TBCK: variants seen among roughly 807,000 people sequenced by gnomAD.
The protein encoded by TBCK is TBC1 domain containing kinase, also known as TBC domain-containing protein kinase-like protein.
Under a neutral mutation model 113.4 loss-of-function variants are expected in TBCK, and 99 were observed. The observed-to-expected ratio is 0.87, with a 90% CI of 0.74 to 1.03. TBCK has a LOEUF of 1.03. TBCK is among the 50% of genes least tolerant of loss of function. The pLI is 0.00. For synonymous variants in TBCK, 369 were observed against 370.8 expected, an observed-to-expected ratio of 1.00 and a Z score of 0.05; for missense variants, 1,045 against 1,061.3, an observed-to-expected ratio of 0.98 and a Z score of 0.21.
chr4:106,236,472 G>A lies in TBCK; in HGVS notation c.1268C>T (p.Ala423Val). 1 of 1,579,376 alleles carries A rather than the reference G, an allele frequency of 6.3e-7. No homozygotes were observed. ...HSNSNNELSA[A>V]ATLPLIIREK... ...TCTGATGATTAAAGGGAGCGTGGCA[G>A]CTGCAGACAACTCATTATTGCTGTT... The change falls in exon 14 of 26, where the codon GCT (alanine) becomes GTT (valine). Residue 423 changes from alanine (A) to valine (V), a missense_variant. Ala to Val is a moderately conservative substitution (Grantham distance 64, BLOSUM62 0). Coordinates refer to ENST00000394708, the MANE Select transcript of TBCK (RefSeq NM_001163435.3).
At chr4:106,255,705 T>C (rs941545396) in intron 5 of TBCK, among the ~76,000 whole-genome samples, 3 of 152,128 alleles carry the variant, frequency 2.0e-5, no homozygotes, top group Non-Finnish European at 4.4e-5. Context: ...CCACCCGCAA[T>C]GTGGCAAGCA....
intron 23 of TBCK, among the ~76,000 whole-genome samples, chr4:106,126,570 TC>T (rs1043115700): frequency 3.9e-5 from 6 of 152,204 alleles, no homozygotes; most frequent in Non-Finnish European, 7.4e-5. Context: ...GAATGGAGGT[TC>T]CACGTGTTTT....
intron 25 of TBCK, among the ~76,000 whole-genome samples, chr4:106,094,235 C>T (rs189167030): frequency 1.3e-5 from 2 of 152,150 alleles, no homozygotes; most frequent in East Asian, 3.9e-4. Flanking sequence ...TTCATGTTTC[C>T]TTTTTTCTGA....
intron 5 of TBCK, among the ~76,000 whole-genome samples, chr4:106,258,514 T>C (rs892979593): frequency 1.3e-5 from 2 of 152,072 alleles, no homozygotes; most frequent in African/African-American, 4.8e-5. Flanking sequence ...GGTCTAAGAC[T>C]TCAAAGCAAG....
intron 22 of TBCK, among the ~76,000 whole-genome samples, chr4:106,188,774 A>G (rs1246278114): frequency 2.0e-5 from 3 of 152,212 alleles, no homozygotes; most frequent in Non-Finnish European, 4.4e-5. Flanking sequence ...TAAACTTTAT[A>G]AAGTATTTAC....
At chr4:106,175,001 C>T (rs1196985880) in intron 22 of TBCK, among the ~76,000 whole-genome samples, 1 of 151,818 alleles carries the variant, frequency 6.6e-6, no homozygotes, top group Non-Finnish European at 1.5e-5. Flanking sequence ...GTGGAGTGCA[C>T]CTGTAACCCC....
chr4:106,113,424 G>C (rs1190159023), intron 24 of TBCK, among the ~76,000 whole-genome samples: 1 of 152,182 alleles, frequency 6.6e-6, no homozygotes, highest in Non-Finnish European at 1.5e-5. Flanking sequence ...AAAGCACTTT[G>C]CTAAAACCTC....
chr4:106,204,636 T>C (rs1755241933), intron 20 of TBCK, among the ~76,000 whole-genome samples: 1 of 152,150 alleles, frequency 6.6e-6, no homozygotes, highest in Non-Finnish European at 1.5e-5. Context: ...AAAGCACTTG[T>C]GCTATCTACT....
At chr4:106,282,568 G>A (rs1032000383) in intron 3 of TBCK, among the ~76,000 whole-genome samples, 4 of 151,554 alleles carry the variant, frequency 2.6e-5, no homozygotes, top group Non-Finnish European at 4.4e-5. Context: ...TACTGCTTTG[G>A]CTGTATTCCA....
At chr4:106,219,443 A>AT (rs1239440993) in intron 19 of TBCK, among the ~76,000 whole-genome samples, 3 of 151,944 alleles carry the variant, frequency 2.0e-5, no homozygotes, top group African/African-American at 7.2e-5. Context: ...TAAGAATACC[A>AT]TGTTTAATCA....
intron 3 of TBCK, among the ~76,000 whole-genome samples, chr4:106,267,222 A>C (rs1469782690): frequency 6.6e-6 from 1 of 151,992 alleles, no homozygotes; most frequent in Non-Finnish European, 1.5e-5. Context: ...GTCCTGAACA[A>C]CTGAACATAA....
intron 19 of TBCK, among the ~76,000 whole-genome samples, chr4:106,225,623 C>G (rs1171816090): frequency 2.0e-5 from 3 of 152,014 alleles, no homozygotes; most frequent in Admixed American, 6.6e-5. Context: ...CCATGCCCAG[C>G]TATTTTTGTA....
intron 23 of TBCK, among the ~76,000 whole-genome samples, chr4:106,166,995 C>CTT: frequency 6.6e-6 from 1 of 150,498 alleles, no homozygotes; most frequent in African/African-American, 2.4e-5. Flanking sequence ...TCTACCTACT[C>CTT]TTAAACTAGA....
intron 20 of TBCK, among the ~76,000 whole-genome samples, chr4:106,211,533 A>T (rs1297187919): frequency 1.3e-5 from 2 of 152,170 alleles, no homozygotes; most frequent in African/African-American, 4.8e-5. Context: ...GTATACACAC[A>T]TACACAACAC....
chr4:106,178,507 G>T (rs1365541947), intron 22 of TBCK, among the ~76,000 whole-genome samples: 2 of 151,824 alleles, frequency 1.3e-5, no homozygotes, highest in African/African-American at 4.8e-5. Flanking sequence ...CCAGTTCTTT[G>T]AGAATTTTTA....
chr4:106,176,844 T>G (rs937968420), intron 22 of TBCK, among the ~76,000 whole-genome samples: 20 of 152,128 alleles, frequency 1.3e-4, no homozygotes, highest in African/African-American at 4.8e-4. Flanking sequence ...TATTTTTCTC[T>G]TCTTCGTAAT....
intron 25 of TBCK, among the ~76,000 whole-genome samples, chr4:106,092,566 C>A (rs62321365): frequency 6.6e-6 from 1 of 152,098 alleles, no homozygotes; most frequent in South Asian, 2.1e-4. Context: ...AGCTAAGGCC[C>A]GGTGAGAAAT....
chr4:106,316,423 TG>T, upstream of TBCK: 2 of 943,340 alleles, frequency 2.1e-6, no homozygotes, highest in Non-Finnish European at 3.3e-6. Flanking sequence ...GGCAGGTTAA[TG>T]GGACTGAGCA....
At chr4:106,242,443 G>C (rs1161911708) in intron 12 of TBCK, 27 bp downstream of exon 12, 1 of 1,540,700 alleles carries the variant, frequency 6.5e-7, no homozygotes, top group Admixed American at 1.9e-5. Context: ...AAAACCTAAA[G>C]CAGAACTGTC....
Sources: gnomAD v4.1 joint callset for allele counts (sites outside exome capture counted in the v4.1 genomes callset) on GRCh38, gnomAD v4.1.1 for gene constraint, MANE v1.5 for transcripts, NCBI Gene and HGNC (gene_info 2026-07-23, HGNC 2026-07-21) for gene names.